DOCK8: variants seen among roughly 807,000 people sequenced by gnomAD.
DOCK8 encodes dedicator of cytokinesis protein 8.
In DOCK8, 141 loss-of-function variants were observed where a neutral mutation model predicts 245.6. That is an observed-to-expected ratio of 0.57 (90% confidence interval 0.50 to 0.66). The LOEUF is 0.66. Among genes scored for constraint, DOCK8 ranks in the 30% least tolerant of loss-of-function variants. DOCK8 has a pLI of 0.00. For missense variants in DOCK8, 2,965 were observed against 2,603.4 expected, an observed-to-expected ratio of 1.14 and a Z score of -3.02; for synonymous variants, 1,168 against 970.2, an observed-to-expected ratio of 1.20 and a Z score of -3.79.
chr9:250,094 C>G (rs1027194375), intron 1 of DOCK8, among the ~76,000 whole-genome samples: 9 of 152,238 alleles, frequency 5.9e-5, no homozygotes, highest in African/African-American at 1.9e-4. Flanking sequence ...ATTCCACATA[C>G]TAGGGATCTT....
chr9:401,566 C>T (rs1392808388), intron 26 of DOCK8, among the ~76,000 whole-genome samples: 1 of 152,020 alleles, frequency 6.6e-6, no homozygotes, highest in Non-Finnish European at 1.5e-5. Flanking sequence ...ATGGGGTCTG[C>T]AAAGGAGGCA....
At chr9:394,745 C>G (rs935440026) in intron 24 of DOCK8, among the ~76,000 whole-genome samples, 1 of 152,192 alleles carries the variant, frequency 6.6e-6, no homozygotes, top group Non-Finnish European at 1.5e-5. Context: ...AAATGGGCCA[C>G]AAAGGCCCAT....
At chr9:421,105 C>A in intron 32 of DOCK8, 27 bp downstream of exon 32, 1 of 1,613,464 alleles carries the variant, frequency 6.2e-7, no homozygotes. Flanking sequence ...CTTCCCTGCT[C>A]TCTGTCAAGC....
intron 26 of DOCK8, among the ~76,000 whole-genome samples, chr9:401,325 C>G (rs1281375321): frequency 6.6e-6 from 1 of 152,166 alleles, no homozygotes; most frequent in African/African-American, 2.4e-5. Flanking sequence ...AAGCCCCTCC[C>G]AGCATGAGAA....
At chr9:367,996 T>G (rs1193465330) in intron 14 of DOCK8, 22 bp from the exon 15 acceptor site, 1 of 1,577,024 alleles carries the variant, frequency 6.3e-7, no homozygotes. Flanking sequence ...TTTTCATTGA[T>G]TCTTTATCTC....
At chr9:449,948 C>A (rs1473061105) in intron 45 of DOCK8, 21 bp downstream of exon 45, 2 of 1,612,206 alleles carry the variant, frequency 1.2e-6, no homozygotes, top group South Asian at 1.1e-5. Flanking sequence ...CCAGAGGTGG[C>A]AGCTCCTCTG....
intron 1 of DOCK8, among the ~76,000 whole-genome samples, chr9:239,916 G>C (rs564497739): frequency 6.6e-6 from 1 of 152,100 alleles, no homozygotes; most frequent in Admixed American, 6.6e-5. Context: ...AGGATACAGC[G>C]TAATTTAACT....
intron 20 of DOCK8, among the ~76,000 whole-genome samples, chr9:377,819 C>T (rs1220534007): frequency 2.0e-5 from 3 of 152,202 alleles, no homozygotes; most frequent in Admixed American, 2.0e-4. Flanking sequence ...TAAATGCTTA[C>T]TTTTAACAAG....
At chr9:315,963 C>T (rs1038111250) in intron 6 of DOCK8, among the ~76,000 whole-genome samples, 2 of 152,212 alleles carry the variant, frequency 1.3e-5, no homozygotes, top group African/African-American at 4.8e-5. Flanking sequence ...GAGTAGGCAT[C>T]AAAACAATGT....
intron 1 of DOCK8, among the ~76,000 whole-genome samples, chr9:261,503 T>C (rs967525619): frequency 1.3e-5 from 2 of 152,210 alleles, no homozygotes; most frequent in Admixed American, 6.5e-5. Context: ...CCTTTGCAAT[T>C]TGTTAAGATT....
chr9:234,301 C>G (rs1435198032), intron 1 of DOCK8, among the ~76,000 whole-genome samples: 1 of 152,194 alleles, frequency 6.6e-6, no homozygotes, highest in Non-Finnish European at 1.5e-5. Flanking sequence ...TGTGGGTAAC[C>G]CGACCTTTCT....
intron 33 of DOCK8, among the ~76,000 whole-genome samples, chr9:423,052 A>G (rs7853977): frequency 0.46 from 68,926 of 151,114 alleles, 16,574 homozygotes; most frequent in Non-Finnish European, 0.55. Context: ...TTTAAAGGCT[A>G]GAAGGAAATT....
chr9:418,604 A>G (rs933054099), intron 30 of DOCK8, among the ~76,000 whole-genome samples: 1 of 152,152 alleles, frequency 6.6e-6, no homozygotes, highest in South Asian at 2.1e-4. Flanking sequence ...CTCAGCTTAG[A>G]GCAGGCATTG....
intron 28 of DOCK8, among the ~76,000 whole-genome samples, chr9:411,669 G>T (rs1401243372): frequency 6.6e-6 from 1 of 152,050 alleles, no homozygotes; most frequent in Non-Finnish European, 1.5e-5. Context: ...AGTATCTGAT[G>T]AATATAGATG....
At chr9:219,358 C>T (rs1043992454) in intron 1 of DOCK8, among the ~76,000 whole-genome samples, 2 of 152,088 alleles carry the variant, frequency 1.3e-5, no homozygotes, top group Non-Finnish European at 2.9e-5. Context: ...GTAATCCCAG[C>T]TACTTAGGAG....
At chr9:245,035 T>A (rs1033440171) in intron 1 of DOCK8, among the ~76,000 whole-genome samples, 5 of 151,884 alleles carry the variant, frequency 3.3e-5, no homozygotes, top group Admixed American at 2.0e-4. Flanking sequence ...ATCAGGAGAG[T>A]TTATCATCTG....
At chr9:266,390 A>AATGAATG (rs943128605) in intron 1 of DOCK8, among the ~76,000 whole-genome samples, 6 of 152,116 alleles carry the variant, frequency 3.9e-5, no homozygotes, top group African/African-American at 1.4e-4. Context: ...TGAATGAATG[A>AATGAATG]ATGAACCAAC....
chr9:285,159 C>T (rs961392481), intron 2 of DOCK8, among the ~76,000 whole-genome samples: 1 of 152,128 alleles, frequency 6.6e-6, no homozygotes, highest in Non-Finnish European at 1.5e-5. Context: ...CATCCTCACT[C>T]CCTAACTTAC....
intron 1 of DOCK8, among the ~76,000 whole-genome samples, chr9:266,543 C>T (rs13292783): frequency 9.2e-5 from 14 of 152,262 alleles, no homozygotes; most frequent in South Asian, 8.3e-4. Context: ...TCCAGGAATT[C>T]GAATTTTTAT....
Sources: allele counts gnomAD v4.1 joint callset (sites outside exome capture counted in the v4.1 genomes callset), GRCh38; gene constraint gnomAD v4.1.1; transcripts MANE v1.5; gene names NCBI Gene and HGNC (gene_info 2026-07-23, HGNC 2026-07-21).